ARHGAP39: variants seen among roughly 807,000 people sequenced by gnomAD.
ARHGAP39 encodes the protein Rho GTPase activating protein 39.
A neutral mutation model predicts 106.9 loss-of-function variants in ARHGAP39; 44 were observed. The ratio of observed to expected loss-of-function variants is 0.41; its 90% CI spans 0.32 to 0.53. The LOEUF is 0.53. Ranked by LOEUF, ARHGAP39 falls within the 20% of genes least tolerant of loss-of-function variation. The pLI, the probability that ARHGAP39 is intolerant of heterozygous loss-of-function variation, is 0.21. For missense variants in ARHGAP39, 1,496 were observed against 1,577.3 expected (o/e 0.95, Z 0.87); for synonymous variants, 768 against 693.2 (o/e 1.11, Z -1.69).
intron 2 of ARHGAP39, among the ~76,000 whole-genome samples, chr8:144,600,848 C>T (rs1819871364): frequency 6.9e-6 from 1 of 145,774 alleles, no homozygotes; most frequent in African/African-American, 2.6e-5. Flanking sequence ...TGCTCGTGTA[C>T]CTGTGTGTGT....
rs1031660145 is a variant in ARHGAP39 at position 144,586,171 on chromosome 8, G to A, written c.81-4894C>T. ...TTTTTTTGTATTTTTAGTAGGGATG[G>A]GGTTTCACCATGTTGCCCAGGCTGG... is the stretch of plus-strand genomic sequence containing the variant. On this transcript the variant is annotated intron_variant, in intron 2 of 11. Transcript: ENST00000377307. This position sits in a 1 kb window ranked among gnomAD's most constrained non-coding sequence, Gnocchi z 4.2. 6.6e-5 allele frequency: 10 copies of A among 152,318 alleles called. No homozygotes were observed. The highest frequency in any genetic ancestry group is 5.2e-4 in the Admixed American group (8 of 15,284). The allele number at this position is 152,318 out of a possible 1,614,324, so 9.4% of individuals were successfully genotyped here.
chr8:144,624,186 G>A, intron 1 of ARHGAP39, among the ~76,000 whole-genome samples: 1 of 152,328 alleles, frequency 6.6e-6, no homozygotes, highest in Admixed American at 6.5e-5. Flanking sequence ...ACCTGCACCT[G>A]TGCCTGCCAT....
At chr8:144,560,551 G>A (rs931339629) in intron 3 of ARHGAP39, among the ~76,000 whole-genome samples, 12 of 152,192 alleles carry the variant, frequency 7.9e-5, no homozygotes, top group Admixed American at 2.6e-4. Flanking sequence ...GGAATATGCC[G>A]AGATGGAAAA....
In ARHGAP39 at chr8:144,679,266, G is replaced by A. The variant is rs992222361; in HGVS notation, c.-82+6420C>T. On this transcript the variant is annotated intron_variant, in intron 1 of 11. Transcript: ENST00000377307. The surrounding 1 kb of genome is among the most constrained non-coding windows in gnomAD (Gnocchi z 4.7). ...CTCAGCTCTGCTCAGCACAGCGTCCGAGCAGGGGCTCACCTTCCCCATAGG... is the reference window on the plus strand; with the variant it reads ...CTCAGCTCTGCTCAGCACAGCGTCCAAGCAGGGGCTCACCTTCCCCATAGG... Among the ~76,000 whole-genome samples, 2 of 152,182 alleles carry A rather than the reference G, an allele frequency of 1.3e-5. No homozygotes were observed. The highest frequency in any genetic ancestry group is 4.8e-5 in the African/African-American group (2 of 41,458).
intron 1 of ARHGAP39, among the ~76,000 whole-genome samples, chr8:144,668,344 G>A (rs995056689): frequency 3.9e-5 from 6 of 152,182 alleles, no homozygotes; most frequent in Non-Finnish European, 8.8e-5. Flanking sequence ...AGGAGGCTGA[G>A]GTGGGAGGAG....
intron 2 of ARHGAP39, among the ~76,000 whole-genome samples, chr8:144,582,316 G>T (rs1250133826): frequency 6.6e-6 from 1 of 152,186 alleles, no homozygotes; most frequent in Non-Finnish European, 1.5e-5. Context: ...CCAGGCCAGG[G>T]ACACGGCGGC....
At chr8:144,564,342 A>T (rs1818313841) in intron 3 of ARHGAP39, among the ~76,000 whole-genome samples, 1 of 152,174 alleles carries the variant, frequency 6.6e-6, no homozygotes, top group Admixed American at 6.5e-5. Context: ...CCGTCTCGGG[A>T]CGTGCCACTT....
chr8:144,559,961 C>T (rs751075311), intron 3 of ARHGAP39, among the ~76,000 whole-genome samples: 2 of 152,210 alleles, frequency 1.3e-5, no homozygotes, highest in Admixed American at 6.5e-5. Context: ...ACACTCAAAA[C>T]GTTCCAGATC....
At chr8:144,560,245 C>A (rs927356764) in intron 3 of ARHGAP39, among the ~76,000 whole-genome samples, 3 of 152,186 alleles carry the variant, frequency 2.0e-5, no homozygotes, top group African/African-American at 4.8e-5. Flanking sequence ...ACCAGCCTGG[C>A]CAACATGGTG....
the ARHGAP39 span, among the ~76,000 whole-genome samples, chr8:144,699,634 GGGGTGCTGGTGGGCTACGGGACGGGA>G: frequency 6.7e-6 from 1 of 149,164 alleles, no homozygotes; most frequent in Non-Finnish European, 1.5e-5. Flanking sequence ...AGGGCGGGGC[GGGGTGCTGGTGGGCTACGGGACGGGA>G]GGGTGGGACA....
chr8:144,597,860 A>G (rs1296619737), intron 2 of ARHGAP39, among the ~76,000 whole-genome samples: 2 of 152,198 alleles, frequency 1.3e-5, no homozygotes, highest in Non-Finnish European at 2.9e-5. Context: ...GATGGAGACC[A>G]TAATCCAGGC....
intron 1 of ARHGAP39, among the ~76,000 whole-genome samples, chr8:144,608,728 A>G (rs1469348718): frequency 6.6e-6 from 1 of 152,204 alleles, no homozygotes; most frequent in Admixed American, 6.5e-5. Context: ...CTGATCTGGG[A>G]GCAAAACATC....
Position 144,547,141 on chromosome 8 carries a change from G to T in ARHGAP39, c.1945C>A (p.Leu649Ile). The T allele has an allele frequency of 6.2e-7, 1 of 1,602,128 alleles. No individual in the cohort carries two copies. ...QTNLASPEPY[L>I]HPSQSEDLAA... ...TGGGCCCTCACCTGTGAGGGGTGGA[G>T]GTAGGGCTCTGGTGAGGCCAGGTTG... Residue 649 changes from leucine to isoleucine, a missense_variant, in exon 5 of 12, where the codon CTC (leucine) becomes ATC (isoleucine). Physicochemically the swap from Leu to Ile is conservative, Grantham distance 5 (BLOSUM62 2). Around this residue, in one of 4 missense-constraint regions of ARHGAP39, gnomAD observed 905 missense variants for 816.4 expected, o/e 1.11. Transcript: ENST00000377307. The surrounding 1 kb of genome is among the most constrained non-coding windows in gnomAD (Gnocchi z 5.2).
At chr8:144,664,752 A>T (rs1563729659) in intron 1 of ARHGAP39, among the ~76,000 whole-genome samples, 1 of 152,310 alleles carries the variant, frequency 6.6e-6, no homozygotes, top group African/African-American at 2.4e-5. Flanking sequence ...ACCATGTAAG[A>T]AGTGCCTTTC....
intron 10 of ARHGAP39, 111 bp from the exon 11 acceptor site, chr8:144,530,982 G>A (rs1816681921): frequency 2.2e-6 from 3 of 1,388,158 alleles, no homozygotes; most frequent in African/African-American, 1.4e-5. Context: ...AGGCTGGGAG[G>A]GCCGGCTCAT....
At chr8:144,673,773 C>T (rs1431667323) in intron 1 of ARHGAP39, among the ~76,000 whole-genome samples, 1 of 152,232 alleles carries the variant, frequency 6.6e-6, no homozygotes, top group Non-Finnish European at 1.5e-5. Context: ...GGCCCAGATC[C>T]CACACCTGCC....
intron 2 of ARHGAP39, among the ~76,000 whole-genome samples, chr8:144,596,230 G>A (rs920052807): frequency 6.7e-6 from 1 of 149,398 alleles, no homozygotes; most frequent in Non-Finnish European, 1.5e-5. Flanking sequence ...TCGCCACCCC[G>A]GCACTCTCCA....
chr8:144,602,672 G>A lies in ARHGAP39; in HGVS notation c.80+2863C>T, dbSNP rs552744985. Among the ~76,000 whole-genome samples the A allele has an allele frequency of 8.5e-3, 1,220 of 142,854 alleles. 12 individuals are homozygous for A. The highest frequency in any genetic ancestry group is 0.013 in the Non-Finnish European group (854 of 65,448). The allele number at this position is 142,854 out of a possible 152,430, so 93.7% of individuals were successfully genotyped here. On this transcript the variant is annotated intron_variant, in intron 2 of 11. Transcript: ENST00000377307. ...TGTACCTGTGTGCATGGAGGCGTGCGTGCGAGCTCGTGTACCTGTGTGCAT... is the reference window on the plus strand; with the variant it reads ...TGTACCTGTGTGCATGGAGGCGTGCATGCGAGCTCGTGTACCTGTGTGCAT...
chr8:144,636,497 G>A (rs144028973), intron 1 of ARHGAP39, among the ~76,000 whole-genome samples: 10 of 152,314 alleles, frequency 6.6e-5, no homozygotes, highest in African/African-American at 1.9e-4. Context: ...CCAAGCTCCC[G>A]ACAGCCCCAA....
Sources: gnomAD v4.1 joint callset for allele counts (sites outside exome capture counted in the v4.1 genomes callset) on GRCh38, gnomAD v4.1.1 for gene constraint, gnomAD v4.1.1 regional missense constraint, Gnocchi (gnomAD v3.1) non-coding constraint, MANE v1.5 for transcripts, NCBI Gene and HGNC (gene_info 2026-07-23, HGNC 2026-07-21) for gene names.